CELSR1: variants seen among roughly 807,000 people sequenced by gnomAD.
CELSR1 encodes cadherin EGF LAG seven-pass G-type receptor 1.
In CELSR1, 110 loss-of-function variants were observed where a neutral mutation model predicts 249.1. The observed-to-expected ratio is 0.44, with a 90% CI of 0.38 to 0.52. The LOEUF (loss-of-function observed/expected upper bound fraction) is 0.52. Among genes scored for constraint, CELSR1 ranks in the 20% least tolerant of loss-of-function variants. CELSR1 has a pLI of 0.00. For synonymous variants in CELSR1, 2,113 were observed against 1,900.0 expected, an observed-to-expected ratio of 1.11 and a Z score of -2.92; for missense variants, 4,109 against 4,296.4, an observed-to-expected ratio of 0.96 and a Z score of 1.22.
intron 5 of CELSR1, among the ~76,000 whole-genome samples, chr22:46,421,650 C>T (rs1425223852): frequency 2.0e-5 from 3 of 152,248 alleles, no homozygotes; most frequent in African/African-American, 7.2e-5. Context: ...AGCTCGCTAG[C>T]CACCTGAAGA....
At chr22:46,463,597 T>A in intron 2 of CELSR1, 110 bp downstream of exon 2, 1 of 1,208,200 alleles carries the variant, frequency 8.3e-7, no homozygotes, top group Non-Finnish European at 1.1e-6. Context: ...CCAGCGCCCA[T>A]CCTCCAGCTG....
intron 2 of CELSR1, among the ~76,000 whole-genome samples, chr22:46,442,945 A>G (rs562588372): frequency 1.5e-3 from 221 of 152,216 alleles, no homozygotes; most frequent in African/African-American, 5.2e-3. Context: ...CAAAAAAAAA[A>G]AAATTAACCG....
At chr22:46,456,381 C>T (rs574277655) in intron 2 of CELSR1, among the ~76,000 whole-genome samples, 20 of 152,184 alleles carry the variant, frequency 1.3e-4, no homozygotes, top group Middle Eastern at 3.4e-3. Context: ...CAAAATAGGC[C>T]GGGCACGGTG....
At chr22:46,400,009 G>A in intron 9 of CELSR1, 107 bp from the exon 10 acceptor site, 2 of 1,178,746 alleles carry the variant, frequency 1.7e-6, no homozygotes, top group Non-Finnish European at 2.4e-6. Flanking sequence ...TGATTATGTG[G>A]CACCAGATAC....
At chr22:46,379,628 G>C (rs1191927103) in intron 22 of CELSR1, among the ~76,000 whole-genome samples, 1 of 152,188 alleles carries the variant, frequency 6.6e-6, no homozygotes, top group Non-Finnish European at 1.5e-5. Flanking sequence ...TTATTAACTA[G>C]AACTTGGAAA....
chr22:46,461,128 G>A (rs1284969535), intron 2 of CELSR1, among the ~76,000 whole-genome samples: 6 of 152,066 alleles, frequency 3.9e-5, no homozygotes, highest in Non-Finnish European at 5.9e-5. Context: ...TTACCTCCAC[G>A]CAGAAAAAGG....
At chr22:46,520,258 A>G (rs1004657613) in intron 1 of CELSR1, among the ~76,000 whole-genome samples, 15 of 152,218 alleles carry the variant, frequency 9.9e-5, no homozygotes, top group African/African-American at 3.6e-4. Flanking sequence ...GCTCAGAAGG[A>G]GGCCCTGGAT....
At position 46,363,050 on chromosome 22, in the gene CELSR1, G is replaced by T; in HGVS notation, c.*173C>A. The T allele has an allele frequency of 7.3e-7, 1 of 1,363,846 alleles. No homozygotes were observed. Among genetic ancestry groups the T allele is most frequent in the Non-Finnish European group, 1.0e-6 (1 of 972,230 alleles). 84.5% of individuals were successfully genotyped at this position (1,363,846 alleles called of 1,614,324 possible). ...AGAACCAAGACCTTTGTGTCTGGATGATCAGTCGGGGGGCTGCCACCATGG... is the reference window on the plus strand; with the variant it reads ...AGAACCAAGACCTTTGTGTCTGGATTATCAGTCGGGGGGCTGCCACCATGG... On this transcript the variant is annotated 3_prime_UTR_variant, in exon 35 of 35. Coordinates refer to ENST00000674500, the MANE Select transcript of CELSR1 (RefSeq NM_001378328.1). The surrounding 1 kb of genome is among the most constrained non-coding windows in gnomAD (Gnocchi z 4.3).
intron 1 of CELSR1, among the ~76,000 whole-genome samples, chr22:46,469,207 C>T (rs1307833716): frequency 6.6e-6 from 1 of 152,126 alleles, no homozygotes; most frequent in Non-Finnish European, 1.5e-5. Flanking sequence ...CCAGAGAGGT[C>T]TTCCTAAAAT....
At chr22:46,493,141 T>C (rs2080383246) in intron 1 of CELSR1, among the ~76,000 whole-genome samples, 2 of 152,066 alleles carry the variant, frequency 1.3e-5, no homozygotes, top group South Asian at 4.1e-4. Flanking sequence ...TCCCAGCTAC[T>C]TGGGAGGCTG....
chr22:46,497,350 T>C, intron 1 of CELSR1, among the ~76,000 whole-genome samples: 1 of 152,272 alleles, frequency 6.6e-6, no homozygotes, highest in East Asian at 1.9e-4. Flanking sequence ...CAATTCTTTT[T>C]CTTGTCTTAC....
chr22:46,504,471 G>A (rs903295414), intron 1 of CELSR1, among the ~76,000 whole-genome samples: 2 of 138,716 alleles, frequency 1.4e-5, no homozygotes, highest in Non-Finnish European at 1.5e-5. Context: ...CTGAGATTGC[G>A]CCACTGCATC....
rs2079839122 is a variant in CELSR1, at chr22:46,447,946, A to G, written c.4184-8535T>C. Among the ~76,000 whole-genome samples the G allele has an allele frequency of 6.6e-6, 1 of 152,200 alleles. No homozygotes were observed. Among genetic ancestry groups the G allele is most frequent in the Non-Finnish European group, 1.5e-5 (1 of 68,036 alleles). On this transcript the variant is annotated intron_variant, in intron 2 of 34. Transcript: ENST00000674500. The surrounding 1 kb of genome is among the most constrained non-coding windows in gnomAD (Gnocchi z 4.7). ...GAAAAGCATTCTTAACGGCAAAAGA[A>G]AAGCTCCCAGGAGCCAAGGCCCATC... is the stretch of plus-strand genomic sequence containing the variant.
rs945999651 is a variant in CELSR1, at chr22:46,434,320, C to G, written c.4523-839G>C. Among the ~76,000 whole-genome samples the G allele has an allele frequency of 6.6e-6, 1 of 152,160 alleles. No individual in the cohort carries two copies. The highest frequency in any genetic ancestry group is 2.1e-4 in the South Asian group (1 of 4,826). On this transcript the variant is annotated intron_variant, in intron 4 of 34. Transcript: ENST00000674500. The surrounding 1 kb of genome is among the most constrained non-coding windows in gnomAD (Gnocchi z 4.9). ...CCCTTTGGGGATTCTGGGGCACAAC[C>G]CTGAGTCAGCAGCAGCAGCTGGGAG...
rs559160972 is a variant in CELSR1 at position 46,510,060 on chromosome 22, G to C, written c.3544+23567C>G. On this transcript the variant is annotated intron_variant, in intron 1 of 34. Coordinates refer to ENST00000674500, the MANE Select transcript of CELSR1 (RefSeq NM_001378328.1). ...AGGGCAGGAGGCAAGAACATGTCCA[G>C]AAGGCTGGCTCTAAAACCAGTGAAC... 1.4e-3 allele frequency among the ~76,000 whole-genome samples: 219 copies of C among 152,342 alleles called. 2 individuals are homozygous for C. The highest frequency in any genetic ancestry group is 4.9e-3 in the African/African-American group (203 of 41,586).
In CELSR1 at chr22:46,433,365, C is replaced by T; in HGVS notation, c.4611+28G>A. ...GCACCTTCTCGAGCCGCCCTGGGGC[C>T]AGGGGGAAGTGGTGGGGCCCATCTT... On this transcript the variant is annotated intron_variant, in intron 5 of 34. Transcript: ENST00000674500. This position sits in a 1 kb window ranked among gnomAD's most constrained non-coding sequence, Gnocchi z 5.7. The T allele has an allele frequency of 6.3e-7, 1 of 1,594,446 alleles. No individual in the cohort carries two copies. Among genetic ancestry groups the T allele is most frequent in the South Asian group, 1.1e-5 (1 of 90,232 alleles).
chr22:46,385,465 G>T (rs11090870), intron 19 of CELSR1, among the ~76,000 whole-genome samples: 32,561 of 151,988 alleles, frequency 0.21, 4,582 homozygotes, highest in African/African-American at 0.4. Context: ...CCTGTCTACA[G>T]TGAGCCTGGA....
rs2080460276 is a variant in CELSR1 at position 46,500,965 on chromosome 22, G to A, written c.3544+32662C>T. Among the ~76,000 whole-genome samples the A allele has an allele frequency of 6.6e-6, 1 of 152,054 alleles. No homozygotes were observed. Among genetic ancestry groups the A allele is most frequent in the Non-Finnish European group, 1.5e-5 (1 of 68,002 alleles). Reference sequence around the variant, plus strand: ...CACCCCTCCAGAGACCCAAAGATCTGAAATGTTAAGATGTTTCCACTAAGA... The same window carrying A: ...CACCCCTCCAGAGACCCAAAGATCTAAAATGTTAAGATGTTTCCACTAAGA... On this transcript the variant is annotated intron_variant, in intron 1 of 34. Transcript: ENST00000674500. This position sits in a 1 kb window ranked among gnomAD's most constrained non-coding sequence, Gnocchi z 4.9.
At chr22:46,482,564 G>A (rs1370056206) in intron 1 of CELSR1, among the ~76,000 whole-genome samples, 1 of 152,090 alleles carries the variant, frequency 6.6e-6, no homozygotes, top group African/African-American at 2.4e-5. Flanking sequence ...CAGAGGAAGT[G>A]GGTGGCAGAG....
Sources: gnomAD v4.1 joint callset for allele counts (sites outside exome capture counted in the v4.1 genomes callset) on GRCh38, gnomAD v4.1.1 for gene constraint, Gnocchi (gnomAD v3.1) non-coding constraint, MANE v1.5 for transcripts, NCBI Gene and HGNC (gene_info 2026-07-23, HGNC 2026-07-21) for gene names.